The following GRIN2A variants were observed in gnomAD, a reference collection of about 807,000 sequenced individuals.
GRIN2A encodes the protein glutamate receptor ionotropic, NMDA 2A.
Under a neutral mutation model 113.4 loss-of-function variants are expected in GRIN2A, and 22 were observed. The observed-to-expected ratio is 0.19, with a 90% CI of 0.14 to 0.28. The LOEUF (loss-of-function observed/expected upper bound fraction) is 0.28, where lower values mean the gene tolerates loss of function less well. Among genes scored for constraint, GRIN2A ranks in the 10% least tolerant of loss-of-function variants. The pLI is 1.00. For missense variants in GRIN2A, 1,502 were observed against 1,887.0 expected, an observed-to-expected ratio of 0.80 and a Z score of 3.78; for synonymous variants, 827 against 738.4, an observed-to-expected ratio of 1.12 and a Z score of -1.94.
At chr16:9,999,378 G>A (rs574539994) in intron 2 of GRIN2A, among the ~76,000 whole-genome samples, 1 of 152,216 alleles carries the variant, frequency 6.6e-6, no homozygotes, top group Admixed American at 6.5e-5. Flanking sequence ...TAAAGAAAAT[G>A]TGGCACATAT....
intron 2 of GRIN2A, among the ~76,000 whole-genome samples, chr16:10,058,511 T>G (rs571456722): frequency 1.2e-4 from 18 of 152,188 alleles, no homozygotes; most frequent in Admixed American, 2.0e-4. Context: ...ACAACAATGA[T>G]AATGTGATAA....
intron 2 of GRIN2A, among the ~76,000 whole-genome samples, chr16:10,098,049 G>A (rs1488249896): frequency 6.6e-6 from 1 of 151,726 alleles, no homozygotes; most frequent in Non-Finnish European, 1.5e-5. Context: ...ACATCCAAAG[G>A]ACTAATATCT....
At chr16:10,166,261 A>G (rs534641840) in intron 2 of GRIN2A, among the ~76,000 whole-genome samples, 75 of 152,348 alleles carry the variant, frequency 4.9e-4, no homozygotes, top group African/African-American at 1.3e-3. Context: ...GTGACAACAA[A>G]ACGGAAATCT....
chr16:10,026,541 C>T (rs971631863), intron 2 of GRIN2A, among the ~76,000 whole-genome samples: 2 of 139,836 alleles, frequency 1.4e-5, no homozygotes, highest in South Asian at 2.4e-4. Context: ...CATATCACTT[C>T]GCCCTCTGAT....
At chr16:9,979,016 T>A (rs1217302654) in intron 2 of GRIN2A, among the ~76,000 whole-genome samples, 1 of 152,186 alleles carries the variant, frequency 6.6e-6, no homozygotes, top group Non-Finnish European at 1.5e-5. Context: ...TTCAGGAGCA[T>A]GTGGGATCTT....
intron 3 of GRIN2A, among the ~76,000 whole-genome samples, chr16:9,919,505 G>T (rs2044318098): frequency 1.3e-5 from 2 of 152,148 alleles, no homozygotes; most frequent in Admixed American, 6.5e-5. Context: ...ACCCACCAAG[G>T]CCTGCATGGT....
intron 2 of GRIN2A, among the ~76,000 whole-genome samples, chr16:10,024,843 G>T (rs1195542786): frequency 6.6e-6 from 1 of 152,196 alleles, no homozygotes. Context: ...GAGACCACAA[G>T]TAGACACAGA....
chr16:9,938,810 T>C (rs2044783790), intron 2 of GRIN2A, among the ~76,000 whole-genome samples: 1 of 152,208 alleles, frequency 6.6e-6, no homozygotes. Context: ...TCTTCTCATT[T>C]TCCTCTAGTT....
At chr16:10,074,968 A>G (rs548174575) in intron 2 of GRIN2A, among the ~76,000 whole-genome samples, 1 of 152,312 alleles carries the variant, frequency 6.6e-6, no homozygotes, top group Middle Eastern at 3.4e-3. Context: ...TTATACATAG[A>G]TAAAATTTCT....
At chr16:9,903,025 G>A (rs2043962484) in intron 3 of GRIN2A, among the ~76,000 whole-genome samples, 1 of 149,286 alleles carries the variant, frequency 6.7e-6, no homozygotes. Context: ...CTGGAGTGCA[G>A]TGGTACGATC....
intron 2 of GRIN2A, among the ~76,000 whole-genome samples, chr16:10,001,636 C>T (rs1297269932): frequency 1.3e-5 from 2 of 152,184 alleles, no homozygotes; most frequent in Admixed American, 1.3e-4. Context: ...AATAAAATCT[C>T]CCATCTCATC....
At chr16:10,033,356 A>C (rs2046964996) in intron 2 of GRIN2A, among the ~76,000 whole-genome samples, 1 of 152,218 alleles carries the variant, frequency 6.6e-6, no homozygotes, top group African/African-American at 2.4e-5. Flanking sequence ...CCCAGGAAAC[A>C]CAGGTGCCGC....
chr16:9,985,141 GC>G (rs1214983325), intron 2 of GRIN2A, among the ~76,000 whole-genome samples: 2 of 152,128 alleles, frequency 1.3e-5, no homozygotes, highest in Admixed American at 6.5e-5. Context: ...CTCTAGGTGT[GC>G]TTCTCAGTTA....
chr16:10,097,447 T>C (rs1168277252), intron 2 of GRIN2A, among the ~76,000 whole-genome samples: 2 of 152,122 alleles, frequency 1.3e-5, no homozygotes, highest in East Asian at 3.9e-4. Flanking sequence ...CCTACCATGA[T>C]CTCATCTATG....
intron 2 of GRIN2A, among the ~76,000 whole-genome samples, chr16:9,953,680 G>A (rs1256070928): frequency 1.3e-5 from 2 of 152,062 alleles, no homozygotes; most frequent in African/African-American, 4.8e-5. Context: ...ATGTAGGAGA[G>A]GTACGAGGAG....
chr16:9,927,539 T>A (rs2141598824), intron 3 of GRIN2A, among the ~76,000 whole-genome samples: 1 of 152,356 alleles, frequency 6.6e-6, no homozygotes, highest in Admixed American at 6.5e-5. Flanking sequence ...AAACTTCTTC[T>A]GGAATTTTTG....
intron 2 of GRIN2A, among the ~76,000 whole-genome samples, chr16:10,103,627 C>G (rs1195827450): frequency 6.6e-6 from 1 of 152,104 alleles, no homozygotes; most frequent in Admixed American, 6.5e-5. Context: ...TCCTAATAAC[C>G]TCAGAAAATC....
chr16:9,883,865 C>T (rs77671138), intron 4 of GRIN2A, among the ~76,000 whole-genome samples: 92 of 152,216 alleles, frequency 6.0e-4, no homozygotes, highest in Non-Finnish European at 1.0e-3. Context: ...CCCATCAGAG[C>T]GAGAATGGGA....
chr16:10,116,913 G>A (rs1180791702), intron 2 of GRIN2A, among the ~76,000 whole-genome samples: 1 of 152,118 alleles, frequency 6.6e-6, no homozygotes, highest in East Asian at 1.9e-4. Context: ...ACATTCTTAG[G>A]CAGAGAGATG....
Sources: allele counts gnomAD v4.1 joint callset (sites outside exome capture counted in the v4.1 genomes callset), GRCh38; gene constraint gnomAD v4.1.1; transcripts MANE v1.5; gene names NCBI Gene and HGNC (gene_info 2026-07-23, HGNC 2026-07-21).